Variants in BBX observed in about 807,000 individuals in gnomAD.
BBX encodes BBX high mobility group box domain containing.
BBX carries 30 observed loss-of-function variants against 100.2 expected under a neutral mutation model. That is an observed-to-expected ratio of 0.30 (90% CI 0.22 to 0.41). The LOEUF (loss-of-function observed/expected upper bound fraction) is 0.41. Ranked by LOEUF, BBX falls within the 10% of genes least tolerant of loss-of-function variation. The pLI, the probability that BBX is intolerant of heterozygous loss-of-function variation, is 1.00. For missense variants in BBX, 1,023 were observed against 1,129.8 expected, an observed-to-expected ratio of 0.91 and a Z score of 1.35; for synonymous variants, 376 against 388.1, an observed-to-expected ratio of 0.97 and a Z score of 0.37.
chr3:107,717,936 A>C (rs2062220938), intron 5 of BBX, among the ~76,000 whole-genome samples: 1 of 152,030 alleles, frequency 6.6e-6, no homozygotes, highest in South Asian at 2.1e-4. Context: ...TTTTATCAAA[A>C]AATGAACCAG....
At chr3:107,556,244 C>A (rs2050087982) in intron 2 of BBX, among the ~76,000 whole-genome samples, 1 of 152,286 alleles carries the variant, frequency 6.6e-6, no homozygotes, top group South Asian at 2.1e-4. Context: ...ATAGACTCCA[C>A]TGCCTATTTA....
At chr3:107,545,926 C>A (rs895817060) in intron 2 of BBX, among the ~76,000 whole-genome samples, 4 of 152,180 alleles carry the variant, frequency 2.6e-5, no homozygotes, top group Non-Finnish European at 5.9e-5. Context: ...ACTAATCCTC[C>A]TCACAGTTTG....
At chr3:107,568,738 C>G (rs1194745549) in intron 2 of BBX, among the ~76,000 whole-genome samples, 3 of 152,138 alleles carry the variant, frequency 2.0e-5, no homozygotes, top group Non-Finnish European at 4.4e-5. Flanking sequence ...AGGTTCCACT[C>G]ATAATTCTTT....
chr3:107,543,557 G>A (rs1267536773), intron 2 of BBX, among the ~76,000 whole-genome samples: 2 of 152,188 alleles, frequency 1.3e-5, no homozygotes, highest in Non-Finnish European at 2.9e-5. Flanking sequence ...CATGATTTTA[G>A]TAGTTAACGG....
intron 2 of BBX, among the ~76,000 whole-genome samples, chr3:107,536,888 A>G (rs1231222149): frequency 6.6e-6 from 1 of 152,154 alleles, no homozygotes; most frequent in African/African-American, 2.4e-5. Context: ...ATCTGTGCTA[A>G]TTGTTTTAAT....
chr3:107,578,662 G>C (rs2052018771), intron 2 of BBX, among the ~76,000 whole-genome samples: 1 of 152,054 alleles, frequency 6.6e-6, no homozygotes, highest in Non-Finnish European at 1.5e-5. Context: ...CCTGAAACAG[G>C]CTCCTTCCCT....
chr3:107,565,981 C>G (rs983652816), intron 2 of BBX, among the ~76,000 whole-genome samples: 1 of 151,338 alleles, frequency 6.6e-6, no homozygotes, highest in Non-Finnish European at 1.5e-5. Context: ...CAAGACCAGC[C>G]TGGCCAACAT....
chr3:107,778,816 T>C (rs1283678937), intron 13 of BBX, among the ~76,000 whole-genome samples: 2 of 151,780 alleles, frequency 1.3e-5, no homozygotes, highest in Non-Finnish European at 2.9e-5. Context: ...ATTTGGAATG[T>C]TAACCTTTTC....
chr3:107,620,531 G>T (rs572205777), intron 2 of BBX, among the ~76,000 whole-genome samples: 3 of 152,342 alleles, frequency 2.0e-5, no homozygotes, highest in African/African-American at 7.2e-5. Flanking sequence ...GGTGCCTTCT[G>T]AGACTGCTTT....
intron 2 of BBX, among the ~76,000 whole-genome samples, chr3:107,591,964 C>G (rs2053349111): frequency 6.6e-6 from 1 of 152,118 alleles, no homozygotes; most frequent in Admixed American, 6.5e-5. Flanking sequence ...TGTCTTTATG[C>G]TGGTTAGCAT....
chr3:107,679,487 C>T (rs1166489177), intron 3 of BBX, among the ~76,000 whole-genome samples: 1 of 152,056 alleles, frequency 6.6e-6, no homozygotes, highest in Admixed American at 6.6e-5. Flanking sequence ...ATCTAATGAA[C>T]ATTTATTAAG....
Position 107,620,398 on chromosome 3 carries a change from A to G in BBX, c.-83-25438A>G, listed in dbSNP as rs150591843. Among the ~76,000 whole-genome samples the G allele has an allele frequency of 2.0e-3, 306 of 152,290 alleles. 1 individual carries two copies. Among genetic ancestry groups the G allele is most frequent in the African/African-American group, 7.0e-3 (293 of 41,570 alleles). ...CTTTGTTTTGTTGTCTGTTGATTGT[A>G]TTTCCTCATTCAAGTTGAGATGTTC... On this transcript the variant is annotated intron_variant, in intron 2 of 17. Transcript: ENST00000325805.
chr3:107,740,887 G>A (rs79070004), intron 7 of BBX, among the ~76,000 whole-genome samples: 2 of 150,498 alleles, frequency 1.3e-5, no homozygotes, highest in Non-Finnish European at 3.0e-5. Context: ...TGTATATGAT[G>A]TTGCTGTCCC....
At chr3:107,755,808 T>C in intron 10 of BBX, 130 bp downstream of exon 10, 1 of 773,548 alleles carries the variant, frequency 1.3e-6, no homozygotes, top group Non-Finnish European at 2.1e-6. Flanking sequence ...TTTTCAACAA[T>C]GAGAGGGTTA....
intron 5 of BBX, 95 bp downstream of exon 5, chr3:107,716,944 A>C: frequency 7.1e-7 from 1 of 1,416,472 alleles, no homozygotes; most frequent in Non-Finnish European, 9.7e-7. Flanking sequence ...AGGTCTAGCA[A>C]TGAGAAGGTG....
chr3:107,773,131 G>C lies in BBX; in HGVS notation c.1410G>C (p.Lys470Asn). The change falls in exon 11 of 18, where the codon AAG becomes AAC. Residue 470 changes from lysine to asparagine, a missense_variant. By Grantham distance (94) the Lys-to-Asn change is moderately conservative (BLOSUM62 0). This residue lies in a region of BBX where 348 missense variants were observed against 353.2 expected (regional missense o/e 0.99). Coordinates refer to ENST00000325805, the MANE Select transcript of BBX (RefSeq NM_001142568.3). The surrounding 1 kb of genome is among the most constrained non-coding windows in gnomAD (Gnocchi z 4.1). ...DRHGNDKSTP[K>N]KTCKKRQSSE... ...ATGGAAATGATAAATCCACACCCAAGAAGACTTGCAAAAAGAGGCAGTCTT... is the reference window on the plus strand; with the variant it reads ...ATGGAAATGATAAATCCACACCCAACAAGACTTGCAAAAAGAGGCAGTCTT... The C allele has an allele frequency of 6.2e-7, 1 of 1,614,036 alleles. No individual in the cohort carries two copies. Among genetic ancestry groups the C allele is most frequent in the Non-Finnish European group, 8.5e-7 (1 of 1,180,000 alleles).
intron 3 of BBX, among the ~76,000 whole-genome samples, chr3:107,682,973 C>G (rs1159418546): frequency 1.3e-5 from 2 of 152,072 alleles, no homozygotes; most frequent in African/African-American, 2.4e-5. Context: ...TATTGACTTT[C>G]TTTTTTGTTT....
In BBX at chr3:107,584,290, G is replaced by A. The variant is rs1185712560; in HGVS notation, c.-84+57892G>A. Reference sequence around the variant, plus strand: ...ATATCTCTAATTTATTAGTTCTTCTGAACTTAGTTCAACTAACTTTGCAGT... The same window carrying A: ...ATATCTCTAATTTATTAGTTCTTCTAAACTTAGTTCAACTAACTTTGCAGT... On this transcript the variant is annotated intron_variant, in intron 2 of 17. Transcript: ENST00000325805. Among the ~76,000 whole-genome samples the A allele has an allele frequency of 1.6e-4, 21 of 134,088 alleles. No homozygotes were observed. In the Admixed American group the frequency reaches 1.9e-3, roughly 12 times the overall value. The allele number at this position is 134,088 out of a possible 152,430, so 88.0% of individuals were successfully genotyped here. A position where few individuals can be genotyped will look rare whatever the true frequency, so the allele number is the denominator to read the frequency against.
At chr3:107,615,602 G>A (rs941479378) in intron 2 of BBX, among the ~76,000 whole-genome samples, 1 of 152,090 alleles carries the variant, frequency 6.6e-6, no homozygotes, top group African/African-American at 2.4e-5. Context: ...TAACCTTGGG[G>A]CCTAGGTTTT....
Sources: gnomAD v4.1 joint callset for allele counts (sites outside exome capture counted in the v4.1 genomes callset) on GRCh38, gnomAD v4.1.1 for gene constraint, gnomAD v4.1.1 regional missense constraint, Gnocchi (gnomAD v3.1) non-coding constraint, MANE v1.5 for transcripts, NCBI Gene and HGNC (gene_info 2026-07-23, HGNC 2026-07-21) for gene names.